MTAP: variants seen among roughly 807,000 people sequenced by gnomAD.
The protein encoded by MTAP is methylthioadenosine phosphorylase.
A neutral mutation model predicts 33.6 loss-of-function variants in MTAP; 33 were observed. The observed-to-expected ratio is 0.98, with a 90% CI of 0.74 to 1.31. The LOEUF is 1.31. Ranked by LOEUF, MTAP falls within the 40% of genes most tolerant of loss-of-function variation. The pLI is 0.00. For synonymous variants in MTAP, 148 were observed against 125.7 expected, an observed-to-expected ratio of 1.18 and a Z score of -1.19; for missense variants, 367 against 360.0, an observed-to-expected ratio of 1.02 and a Z score of -0.16.
At chr9:21,921,787 A>G (rs1818791561) in intron 1 of MTAP, among the ~76,000 whole-genome samples, 2 of 152,168 alleles carry the variant, frequency 1.3e-5, no homozygotes, top group Admixed American at 1.3e-4. Context: ...CCTGGACAAC[A>G]TAGGGAAACC....
intron 4 of MTAP, among the ~76,000 whole-genome samples, chr9:21,835,204 C>G (rs1318331227): frequency 6.6e-6 from 1 of 152,124 alleles, no homozygotes; most frequent in Non-Finnish European, 1.5e-5. Context: ...AGAGATCTGC[C>G]TAATCACCTC....
Position 21,837,941 on chromosome 9 carries a change from A to C in MTAP, c.381A>C (p.Gly127=). The C allele has an allele frequency of 6.2e-7, 1 of 1,614,144 alleles. No homozygotes were observed. The part of the protein sequence containing the change: ...TTMRPQSFYD[G]SHSCARGVCH... Reference sequence around the variant, plus strand: ...TGAGACCTCAGTCCTTCTATGATGGAAGTCATTCTTGTGCCAGAGGAGTGT... The same window carrying C: ...TGAGACCTCAGTCCTTCTATGATGGCAGTCATTCTTGTGCCAGAGGAGTGT... Residue 127 remains glycine, a synonymous_variant, in exon 5 of 8, where the codon GGA becomes GGC. Coordinates refer to ENST00000644715, the MANE Select transcript of MTAP (RefSeq NM_002451.4).
intron 5 of MTAP, among the ~76,000 whole-genome samples, chr9:21,838,480 T>C (rs1206894537): frequency 6.6e-6 from 1 of 152,240 alleles, no homozygotes; most frequent in Non-Finnish European, 1.5e-5. Context: ...TAATACTTAA[T>C]GAAGTCTCTG....
chr9:21,900,689 C>T (rs1424798579), intron 1 of MTAP, among the ~76,000 whole-genome samples: 4 of 152,172 alleles, frequency 2.6e-5, no homozygotes, highest in Admixed American at 6.5e-5. Context: ...CGAATATAAA[C>T]TGTTCAACCA....
chr9:21,832,358 T>A (rs145977892), intron 4 of MTAP, among the ~76,000 whole-genome samples: 1 of 152,248 alleles, frequency 6.6e-6, no homozygotes, highest in Admixed American at 6.5e-5. Flanking sequence ...TTCTGCCTCT[T>A]GATGACTAGA....
chr9:21,863,528 A>G lies in MTAP; in HGVS notation c.*1514A>G, dbSNP rs1285164950. ...AGGCTGAGGCAGGAGAATGGTGTGA[A>G]CCTGGGAGGTGGAGCTTGCAGTGAG... On this transcript the variant is annotated 3_prime_UTR_variant, in exon 8 of 8. Transcript: ENST00000644715. 1 of 623,184 alleles carries G rather than the reference A, an allele frequency of 1.6e-6. No homozygotes were observed. The highest frequency in any genetic ancestry group is 1.4e-4 in the East Asian group (1 of 7,140). The allele number at this position is 623,184 out of a possible 1,614,324, so 38.6% of individuals were successfully genotyped here.
intron 1 of MTAP, chr9:21,893,581 C>G (rs1018398236): frequency 4.6e-5 from 7 of 151,936 alleles, no homozygotes; most frequent in African/African-American, 1.7e-4. Context: ...ACCATCAACC[C>G]CACAGAAATA....
At chr9:21,804,987 G>A (rs1308866135) in intron 1 of MTAP, among the ~76,000 whole-genome samples, 1 of 152,212 alleles carries the variant, frequency 6.6e-6, no homozygotes, top group African/African-American at 2.4e-5. Flanking sequence ...GAAGAGGGAG[G>A]CAGAGGGTAT....
At chr9:21,835,821 T>C (rs1482771464) in intron 4 of MTAP, among the ~76,000 whole-genome samples, 1 of 152,214 alleles carries the variant, frequency 6.6e-6, no homozygotes, top group Non-Finnish European at 1.5e-5. Context: ...TATTGCTGTT[T>C]ATAGGAATTT....
At chr9:21,915,995 A>G (rs1296037936) in intron 1 of MTAP, among the ~76,000 whole-genome samples, 1 of 148,256 alleles carries the variant, frequency 6.7e-6, no homozygotes, top group Non-Finnish European at 1.5e-5. Flanking sequence ...ACACCACAGC[A>G]CTCCAGCCTC....
At chr9:21,939,529 T>C (rs1414107790), downstream of MTAP, among the ~76,000 whole-genome samples, 9 of 152,302 alleles carry the variant, frequency 5.9e-5, no homozygotes, top group East Asian at 1.7e-3. Context: ...AGTATTATTA[T>C]TTCCAAGGCA....
At chr9:21,940,823 G>T (rs550772181), downstream of MTAP, 1 of 165,968 alleles carries the variant, frequency 6.0e-6, no homozygotes, top group East Asian at 1.9e-4. Context: ...AAGTTTAGAG[G>T]TTAGTATGGA....
chr9:21,807,305 G>T (rs940396265), intron 1 of MTAP, among the ~76,000 whole-genome samples: 2 of 152,172 alleles, frequency 1.3e-5, no homozygotes, highest in African/African-American at 4.8e-5. Flanking sequence ...GTAGACTGTG[G>T]AATATGGGCC....
At chr9:21,820,435 C>G (rs940276709) in intron 4 of MTAP, among the ~76,000 whole-genome samples, 10 of 152,276 alleles carry the variant, frequency 6.6e-5, no homozygotes, top group African/African-American at 2.2e-4. Flanking sequence ...TCAGGTTTGT[C>G]ACAGATCAGA....
At chr9:21,826,049 C>G (rs1824789515) in intron 4 of MTAP, among the ~76,000 whole-genome samples, 1 of 151,976 alleles carries the variant, frequency 6.6e-6, no homozygotes, top group East Asian at 1.9e-4. Context: ...AACCCCTTAT[C>G]CGAGGTATGG....
chr9:21,866,604 CTCT>C lies in MTAP; in HGVS notation c.*4595_*4597del, dbSNP rs1825857471. ...CTATTTATGTCATTTATCTATGTGT[CTCT>C]TCTTATGCCAGTACCCCACTGTCTT... On this transcript the variant is annotated 3_prime_UTR_variant, in exon 8 of 8. Transcript: ENST00000644715. 6.6e-6 allele frequency: 1 copy of C among 152,094 alleles called. No individual in the cohort carries two copies. The highest frequency in any genetic ancestry group is 1.5e-5 in the Non-Finnish European group (1 of 68,008). The allele number at this position is 152,094 out of a possible 1,614,324, so 9.4% of individuals were successfully genotyped here. A position where few individuals can be genotyped will look rare whatever the true frequency, so the allele number is the denominator to read the frequency against.
intron 4 of MTAP, among the ~76,000 whole-genome samples, chr9:21,832,306 G>A (rs1476137956): frequency 6.6e-6 from 1 of 152,230 alleles, no homozygotes; most frequent in Admixed American, 6.5e-5. Context: ...TGGGCCCTGA[G>A]GTTGGGAGTA....
intron 1 of MTAP, among the ~76,000 whole-genome samples, chr9:21,885,694 C>G (rs932193070): frequency 1.3e-5 from 2 of 151,956 alleles, no homozygotes; most frequent in Non-Finnish European, 2.9e-5. Context: ...TTAGTTACTT[C>G]ACTTATAATA....
intron 1 of MTAP, among the ~76,000 whole-genome samples, chr9:21,808,049 G>C (rs1485387050): frequency 6.6e-6 from 1 of 152,172 alleles, no homozygotes; most frequent in Non-Finnish European, 1.5e-5. Flanking sequence ...CTGGTCATTT[G>C]CTAGAAATGC....
Sources: allele counts gnomAD v4.1 joint callset (sites outside exome capture counted in the v4.1 genomes callset), GRCh38; gene constraint gnomAD v4.1.1; transcripts MANE v1.5; gene names NCBI Gene and HGNC (gene_info 2026-07-23, HGNC 2026-07-21).